KIF16B: variants seen among roughly 807,000 people sequenced by gnomAD.
KIF16B encodes the protein kinesin family member 16B, also known as kinesin-like protein KIF16B.
In KIF16B, 98 loss-of-function variants were observed where a neutral mutation model predicts 156.3. The observed-to-expected ratio is 0.63, with a 90% confidence interval of 0.53 to 0.74. KIF16B has a LOEUF of 0.74. Among genes scored for constraint, KIF16B ranks in the 30% least tolerant of loss-of-function variants. The pLI is 0.00. For synonymous variants in KIF16B, 564 were observed against 583.7 expected (o/e 0.97, Z 0.49); for missense variants, 1,421 against 1,606.5 (o/e 0.88, Z 1.97).
At chr20:16,398,347 T>A (rs1407502048) in intron 17 of KIF16B, among the ~76,000 whole-genome samples, 1 of 152,122 alleles carries the variant, frequency 6.6e-6, no homozygotes, top group Non-Finnish European at 1.5e-5. Context: ...GAGTTGATGC[T>A]TGGAAGTCAC....
chr20:16,479,158 T>A lies in KIF16B; in HGVS notation c.1302+15133A>T, dbSNP rs139288044. 1.5e-3 allele frequency among the ~76,000 whole-genome samples: 223 copies of A among 152,288 alleles called. 1 individual carries two copies. The highest frequency in any genetic ancestry group is 6.8e-3 in the Middle Eastern group (2 of 294). ...GAACAAATATGGTACACATACACCA[T>A]GGAATACTATGCAGCCATAAAAAGG... On this transcript the variant is annotated intron_variant, in intron 12 of 25. Transcript: ENST00000354981.
At chr20:16,554,321 G>A (rs984667152) in intron 1 of KIF16B, among the ~76,000 whole-genome samples, 6 of 152,168 alleles carry the variant, frequency 3.9e-5, no homozygotes, top group African/African-American at 1.4e-4. Flanking sequence ...TGACCTGCCA[G>A]CTGCCGAGAG....
chr20:16,367,972 C>T, intron 22 of KIF16B: 1 of 1,438,916 alleles, frequency 6.9e-7, no homozygotes. Context: ...GCTCATTGAG[C>T]CGAGATTATC....
rs958574339 is a variant in KIF16B, at chr20:16,429,851, A to G, written c.1422+12T>C. ...AAACAAAATTAGAATGTTCCACTTA[A>G]TCAGTTTCTACCTTTAAATGATATA... On this transcript the variant is annotated intron_variant, in intron 13 of 25. Coordinates refer to ENST00000354981, the MANE Select transcript of KIF16B (RefSeq NM_024704.5). The G allele has an allele frequency of 1.3e-6, 2 of 1,599,272 alleles. No homozygotes were observed. The highest frequency in any genetic ancestry group is 1.3e-5 in the African/African-American group (1 of 74,262).
chr20:16,528,219 T>C, intron 2 of KIF16B, 152 bp downstream of exon 2: 4 of 616,646 alleles, frequency 6.5e-6, no homozygotes, highest in Admixed American at 5.8e-5. Flanking sequence ...GCTTCAAGAC[T>C]GAGCCCAAGC....
intron 24 of KIF16B, among the ~76,000 whole-genome samples, chr20:16,330,225 C>A (rs1179580155): frequency 6.6e-6 from 1 of 152,168 alleles, no homozygotes; most frequent in East Asian, 1.9e-4. Flanking sequence ...CTTTAATTGG[C>A]TCACCACCCA....
At chr20:16,367,284 C>A (rs73093402) in intron 22 of KIF16B, 51,269 of 1,612,740 alleles carry the variant, frequency 0.032, 898 homozygotes, top group African/African-American at 0.042. Flanking sequence ...TTGGGGCTTC[C>A]TGAAGGTGCT....
rs139821641 is a variant in KIF16B, at chr20:16,322,909, GA to G, written c.3712-10492del. ...GGCAACAGACAGTATAAGCCATTTTGATAAATGGCATCGCTATTACTTTGGA... is the reference window on the plus strand; with the variant it reads ...GGCAACAGACAGTATAAGCCATTTTGTAAATGGCATCGCTATTACTTTGGA... On this transcript the variant is annotated intron_variant, in intron 24 of 25. Coordinates refer to ENST00000354981, the MANE Select transcript of KIF16B (RefSeq NM_024704.5). Among the ~76,000 whole-genome samples the G allele has an allele frequency of 3.9e-3, 590 of 152,058 alleles. 2 individuals carry two copies. The highest frequency in any genetic ancestry group is 0.014 in the African/African-American group (566 of 41,520).
chr20:16,490,565 A>G (rs769029253), intron 12 of KIF16B, among the ~76,000 whole-genome samples: 7 of 152,088 alleles, frequency 4.6e-5, no homozygotes, highest in Non-Finnish European at 1.0e-4. Flanking sequence ...AGAAAAACAC[A>G]CAAAAAAGAA....
intron 24 of KIF16B, among the ~76,000 whole-genome samples, chr20:16,313,931 T>G (rs1172640980): frequency 6.6e-6 from 1 of 152,260 alleles, no homozygotes; most frequent in Non-Finnish European, 1.5e-5. Flanking sequence ...CATATGTACG[T>G]ATTTCTGATA....
chr20:16,551,334 T>G (rs1221779348), intron 1 of KIF16B, among the ~76,000 whole-genome samples: 1 of 152,112 alleles, frequency 6.6e-6, no homozygotes, highest in Non-Finnish European at 1.5e-5. Context: ...TTCACCATGT[T>G]GGTCAAGCTG....
intron 1 of KIF16B, among the ~76,000 whole-genome samples, chr20:16,568,334 A>G (rs1305021004): frequency 6.6e-6 from 1 of 152,202 alleles, no homozygotes; most frequent in South Asian, 2.1e-4. Context: ...GCACATCACC[A>G]GCACTCAGTA....
chr20:16,464,771 T>G (rs561475255), intron 12 of KIF16B, among the ~76,000 whole-genome samples: 52 of 152,322 alleles, frequency 3.4e-4, no homozygotes, highest in Non-Finnish European at 4.1e-4. Context: ...TCAAATGTCT[T>G]GAACTCTGAA....
intron 3 of KIF16B, among the ~76,000 whole-genome samples, chr20:16,524,469 C>T (rs1458819381): frequency 1.3e-5 from 2 of 152,146 alleles, no homozygotes; most frequent in African/African-American, 4.8e-5. Flanking sequence ...ATCAAAACCA[C>T]AATGAGATAC....
chr20:16,531,863 T>G (rs2069762686), intron 1 of KIF16B, among the ~76,000 whole-genome samples: 1 of 152,170 alleles, frequency 6.6e-6, no homozygotes, highest in Middle Eastern at 3.4e-3. Context: ...GAAGTCAGGG[T>G]TCGAGACCAG....
At chr20:16,355,960 C>G (rs753913622) in intron 23 of KIF16B, among the ~76,000 whole-genome samples, 20 of 152,222 alleles carry the variant, frequency 1.3e-4, no homozygotes, top group Non-Finnish European at 2.8e-4. Flanking sequence ...AAAATTAAGA[C>G]TAAGCCCATG....
At chr20:16,556,504 T>C (rs981877518) in intron 1 of KIF16B, among the ~76,000 whole-genome samples, 2 of 152,222 alleles carry the variant, frequency 1.3e-5, no homozygotes, top group Non-Finnish European at 2.9e-5. Context: ...ACTGTGTGTC[T>C]ATTCTTGCCC....
chr20:16,459,679 C>T (rs2067295922), intron 12 of KIF16B, among the ~76,000 whole-genome samples: 2 of 152,232 alleles, frequency 1.3e-5, no homozygotes. Context: ...CAGGTTGTCA[C>T]TAATGTAAGC....
intron 12 of KIF16B, among the ~76,000 whole-genome samples, chr20:16,475,753 T>A (rs1273493387): frequency 6.6e-6 from 1 of 152,142 alleles, no homozygotes; most frequent in Non-Finnish European, 1.5e-5. Flanking sequence ...CAAATACAAG[T>A]AAATGACACA....
Sources: allele counts gnomAD v4.1 joint callset (sites outside exome capture counted in the v4.1 genomes callset), GRCh38; gene constraint gnomAD v4.1.1; transcripts MANE v1.5; gene names NCBI Gene and HGNC (gene_info 2026-07-23, HGNC 2026-07-21).